The following CSRP2 variants were observed in gnomAD, a reference collection of about 807,000 sequenced individuals.
The protein encoded by CSRP2 is cysteine and glycine rich protein 2, also known as cysteine and glycine-rich protein 2.
A neutral mutation model predicts 24.6 loss-of-function variants in CSRP2; 18 were observed. That is an observed-to-expected ratio of 0.73 (90% CI 0.51 to 1.09). CSRP2 has a LOEUF of 1.09. Among genes scored for constraint, CSRP2 ranks in the 50% least tolerant of loss-of-function variants. The pLI is 0.00. For missense variants in CSRP2, 215 were observed against 239.4 expected (o/e 0.90, Z 0.67); for synonymous variants, 87 against 84.3 (o/e 1.03, Z -0.18).
At chr12:76,871,065 A>T (rs1262649054) in intron 1 of CSRP2, among the ~76,000 whole-genome samples, 18 of 151,740 alleles carry the variant, frequency 1.2e-4, no homozygotes, top group Non-Finnish European at 1.5e-5. Flanking sequence ...ACTATTTCAT[A>T]ATGGAAGGAG....
rs957087734 is a variant in CSRP2 at position 76,858,898 on chromosome 12, G to C, written c.*54C>G. The stretch of plus-strand genomic sequence containing the variant: ...TAGTTTAGTGTTAAAGATTATCTGT[G>C]CCTAGATTATGAAGAGATTCTCAGT... On this transcript the variant is annotated 3_prime_UTR_variant, in exon 6 of 6. Coordinates refer to ENST00000311083, the MANE Select transcript of CSRP2 (RefSeq NM_001321.3). The C allele has an allele frequency of 1.1e-4, 156 of 1,456,176 alleles. No individual in the cohort carries two copies. The highest frequency in any genetic ancestry group is 1.1e-4 in the Non-Finnish European group (111 of 1,036,750). 90.2% of individuals were successfully genotyped at this position (1,456,176 alleles called of 1,614,324 possible).
chr12:76,869,150 G>A (rs1455329658), intron 1 of CSRP2, among the ~76,000 whole-genome samples: 2 of 152,020 alleles, frequency 1.3e-5, no homozygotes, highest in Non-Finnish European at 1.5e-5. Flanking sequence ...CTGCAAAATG[G>A]TGCCTCCAAT....
intron 3 of CSRP2, chr12:76,862,887 A>G: frequency 6.5e-7 from 1 of 1,530,762 alleles, no homozygotes. Flanking sequence ...CCGGTCTCCA[A>G]GGTGCTGTGA....
intron 1 of CSRP2, among the ~76,000 whole-genome samples, chr12:76,877,271 T>G (rs1953861870): frequency 6.6e-6 from 1 of 152,256 alleles, no homozygotes; most frequent in African/African-American, 2.4e-5. Flanking sequence ...AGGATAAAAT[T>G]CAATCTCCCC....
At chr12:76,875,888 A>G (rs1051089622) in intron 1 of CSRP2, among the ~76,000 whole-genome samples, 3 of 152,248 alleles carry the variant, frequency 2.0e-5, no homozygotes, top group African/African-American at 7.2e-5. Flanking sequence ...ACTGAGGCAT[A>G]GAGCTATTAA....
chr12:76,863,643 G>C, intron 2 of CSRP2: 1 of 249,332 alleles, frequency 4.0e-6, no homozygotes, highest in Admixed American at 5.3e-5. Context: ...TCCCTTTCCT[G>C]TGGTGCTGAT....
intron 1 of CSRP2, among the ~76,000 whole-genome samples, chr12:76,872,474 C>A (rs1464359359): frequency 6.6e-6 from 1 of 152,184 alleles, no homozygotes; most frequent in East Asian, 1.9e-4. Context: ...AGGCCAGCAA[C>A]CTTTGATATG....
rs778865651 is a variant in CSRP2 at position 76,863,157 on chromosome 12, C to A, written c.281+19G>T. On this transcript the variant is annotated intron_variant, in intron 3 of 5. Transcript: ENST00000311083. ...GTCGCAACTCATTTCTGAAGGTAAC[C>A]AACGGTCTCCCAACTCACCTCTCTG... 5.0e-6 allele frequency: 8 copies of A among 1,599,110 alleles called. No individual in the cohort carries two copies. The highest frequency in any genetic ancestry group is 6.8e-6 in the Non-Finnish European group (8 of 1,170,276).
intron 1 of CSRP2, among the ~76,000 whole-genome samples, chr12:76,874,454 A>C (rs1052370554): frequency 2.6e-5 from 4 of 152,188 alleles, no homozygotes; most frequent in African/African-American, 4.8e-5. Flanking sequence ...GATGAGAACT[A>C]TCTTATAGGC....
intron 1 of CSRP2, among the ~76,000 whole-genome samples, chr12:76,871,652 T>C (rs1953800370): frequency 6.6e-6 from 1 of 151,796 alleles, no homozygotes; most frequent in African/African-American, 2.4e-5. Flanking sequence ...TAGTCCCAGC[T>C]ACTCGGGAGG....
intron 2 of CSRP2, among the ~76,000 whole-genome samples, chr12:76,865,334 C>T (rs532197505): frequency 6.6e-6 from 1 of 152,296 alleles, no homozygotes; most frequent in South Asian, 2.1e-4. Flanking sequence ...TAAACCAAGT[C>T]TTCTGAGGAA....
chr12:76,863,160 C>A lies in CSRP2; in HGVS notation c.281+16G>T. On this transcript the variant is annotated intron_variant, in intron 3 of 5. Transcript: ENST00000311083. ...GCAACTCATTTCTGAAGGTAACCAACGGTCTCCCAACTCACCTCTCTGGTT... is the reference window on the plus strand; with the variant it reads ...GCAACTCATTTCTGAAGGTAACCAAAGGTCTCCCAACTCACCTCTCTGGTT... 4 of 1,599,868 alleles carry A rather than the reference C, an allele frequency of 2.5e-6. No individual in the cohort carries two copies. Among genetic ancestry groups the A allele is most frequent in the Non-Finnish European group, 3.4e-6 (4 of 1,170,620 alleles).
intron 1 of CSRP2, among the ~76,000 whole-genome samples, chr12:76,869,988 A>G (rs945481899): frequency 5.3e-5 from 8 of 152,184 alleles, no homozygotes; most frequent in African/African-American, 1.9e-4. Context: ...ATCTGCTGGA[A>G]GTTCCCTCAT....
chr12:76,871,601 T>C (rs1022249805), intron 1 of CSRP2, among the ~76,000 whole-genome samples: 4 of 151,968 alleles, frequency 2.6e-5, no homozygotes, highest in Admixed American at 6.6e-5. Flanking sequence ...AAACCCCGTC[T>C]CTACTAAAAA....
At chr12:76,862,582 A>G (rs1953693299) in intron 3 of CSRP2, 1 of 467,252 alleles carries the variant, frequency 2.1e-6, no homozygotes, top group Non-Finnish European at 3.3e-6. Flanking sequence ...TTCTAAACAA[A>G]TAAGTTATTT....
At chr12:76,873,487 C>T (rs1376786088) in intron 1 of CSRP2, among the ~76,000 whole-genome samples, 1 of 152,196 alleles carries the variant, frequency 6.6e-6, no homozygotes, top group East Asian at 1.9e-4. Context: ...TCTTAGTGAT[C>T]AGCTCCGTAC....
At chr12:76,871,602 C>A (rs538993870) in intron 1 of CSRP2, among the ~76,000 whole-genome samples, 7 of 152,148 alleles carry the variant, frequency 4.6e-5, no homozygotes, top group Non-Finnish European at 1.0e-4. Context: ...AACCCCGTCT[C>A]TACTAAAAAT....
intron 1 of CSRP2, among the ~76,000 whole-genome samples, 198 bp from the exon 2 acceptor site, chr12:76,866,459 TGTC>T (rs1953736965): frequency 7.3e-6 from 1 of 136,724 alleles, no homozygotes; most frequent in Admixed American, 7.9e-5. Context: ...GAAACTGGCT[TGTC>T]GTGCACAAGA....
At chr12:76,877,966 C>T (rs373435556) in intron 1 of CSRP2, among the ~76,000 whole-genome samples, 8 of 93,844 alleles carry the variant, frequency 8.5e-5, no homozygotes, top group East Asian at 3.0e-4. Context: ...CCCGCCCCAC[C>T]CCCCCACCCC....
Sources: gnomAD v4.1 joint callset for allele counts (sites outside exome capture counted in the v4.1 genomes callset) on GRCh38, gnomAD v4.1.1 for gene constraint, MANE v1.5 for transcripts, NCBI Gene and HGNC (gene_info 2026-07-23, HGNC 2026-07-21) for gene names.